The following CCNYL1 variants were observed in gnomAD, a reference collection of about 807,000 sequenced individuals.
The protein encoded by CCNYL1 is cyclin Y like 1, also known as cyclin-Y-like protein 1.
CCNYL1 carries 16 observed loss-of-function variants against 44.2 expected under a neutral mutation model. The ratio of observed to expected loss-of-function variants is 0.36; its 90% CI spans 0.25 to 0.55. CCNYL1 has a LOEUF of 0.55. CCNYL1 is among the 20% of genes least tolerant of loss of function. The probability of loss-of-function intolerance (pLI) is 0.85; values close to 1 mark genes in which losing one functional copy is unlikely to be tolerated. For synonymous variants in CCNYL1, 159 were observed against 163.2 expected (o/e 0.97, Z 0.20); for missense variants, 348 against 451.8 (o/e 0.77, Z 2.08).
chr2:207,746,992 C>A, intron 7 of CCNYL1, 55 bp from the exon 8 acceptor site: 4 of 1,301,422 alleles, frequency 3.1e-6, no homozygotes, highest in African/African-American at 1.5e-5. Flanking sequence ...AAAAAAAAAG[C>A]TTATCAAAGC....
intron 2 of CCNYL1, 92 bp from the exon 3 acceptor site, chr2:207,726,750 C>A: frequency 1.3e-6 from 1 of 779,458 alleles, no homozygotes; most frequent in Non-Finnish European, 2.1e-6. Flanking sequence ...AATTTTATCT[C>A]ATTTTGTATA....
intron 3 of CCNYL1, among the ~76,000 whole-genome samples, chr2:207,731,697 A>G (rs2091727521): frequency 6.6e-6 from 1 of 151,778 alleles, no homozygotes; most frequent in East Asian, 1.9e-4. Flanking sequence ...TAATTCTGCC[A>G]CCCCCTAGTC....
chr2:207,742,235 C>G lies in CCNYL1; in HGVS notation c.532C>G (p.Pro178Ala). The G allele has an allele frequency of 6.2e-7, 1 of 1,604,066 alleles. No individual in the cohort carries two copies. The highest frequency in any genetic ancestry group is 8.5e-7 in the Non-Finnish European group (1 of 1,176,372). Residue 178 changes from proline to alanine, a missense_variant, in exon 7 of 10, where the codon CCA (proline) becomes GCA (alanine). By Grantham distance (27) the Pro-to-Ala change is conservative. Transcript: ENST00000295414. ...RSHPLTREKV[P>A]EEYFKHDPEH... The stretch of plus-strand genomic sequence containing the variant: ...TTTCTTCTTTCAGCGAGAAAAAGTT[C>G]CAGAGGAATACTTTAAGCATGATCC...
rs528636515 is a variant in CCNYL1 at position 207,726,025 on chromosome 2, T to C, written c.296-817T>C. 2.0e-5 allele frequency among the ~76,000 whole-genome samples: 3 copies of C among 152,244 alleles called. No homozygotes were observed. The South Asian group carries it at 6.2e-4, about 32-fold the overall frequency. On this transcript the variant is annotated intron_variant, in intron 2 of 9. Coordinates refer to ENST00000295414, the MANE Select transcript of CCNYL1 (RefSeq NM_001330218.2). Reference sequence around the variant, plus strand: ...TTGAGCTGGTCATTTCTGGTTAGGATAGTTGTATTTCTCAGTTTCTTTCAG... The same window carrying C: ...TTGAGCTGGTCATTTCTGGTTAGGACAGTTGTATTTCTCAGTTTCTTTCAG...
At chr2:207,721,911 T>G (rs62189189) in intron 1 of CCNYL1, among the ~76,000 whole-genome samples, 2 of 152,044 alleles carry the variant, frequency 1.3e-5, no homozygotes, top group Non-Finnish European at 2.9e-5. Flanking sequence ...GCCTTTCTCC[T>G]TTGGTTCTTG....
chr2:207,753,885 A>C lies in CCNYL1; in HGVS notation c.*187A>C, dbSNP rs1461345555. The C allele has an allele frequency of 9.8e-6, 5 of 510,774 alleles. No homozygotes were observed. Among genetic ancestry groups the C allele is most frequent in the Non-Finnish European group, 1.7e-5 (5 of 287,268 alleles). The allele number at this position is 510,774 out of a possible 1,614,324, so 31.6% of individuals were successfully genotyped here. A position where few individuals can be genotyped will look rare whatever the true frequency, so the allele number is the denominator to read the frequency against. On this transcript the variant is annotated 3_prime_UTR_variant, in exon 10 of 10. Coordinates refer to ENST00000295414, the MANE Select transcript of CCNYL1 (RefSeq NM_001330218.2). ...AAGAATGGGACCTTGTCAATGCAACAAAACACTCTTCTGTCCTTTTTAATG... is the reference window on the plus strand; with the variant it reads ...AAGAATGGGACCTTGTCAATGCAACCAAACACTCTTCTGTCCTTTTTAATG...
intron 7 of CCNYL1, 50 bp downstream of exon 7, chr2:207,742,392 C>T: frequency 6.5e-7 from 1 of 1,549,694 alleles, no homozygotes; most frequent in South Asian, 1.2e-5. Flanking sequence ...GTCTTGTACA[C>T]AGGGTATGGT....
intron 1 of CCNYL1, among the ~76,000 whole-genome samples, chr2:207,716,716 G>A (rs180952708): frequency 2.6e-5 from 4 of 152,250 alleles, no homozygotes; most frequent in Non-Finnish European, 5.9e-5. Flanking sequence ...CAAGGGTACC[G>A]ATAAAAACAT....
At chr2:207,737,120 T>C (rs1477605046) in intron 4 of CCNYL1, among the ~76,000 whole-genome samples, 4 of 152,192 alleles carry the variant, frequency 2.6e-5, no homozygotes, top group Non-Finnish European at 4.4e-5. Context: ...TTTCACCGTG[T>C]TAGCCAGGAT....
chr2:207,746,986 A>G (rs938357772), intron 7 of CCNYL1, 61 bp from the exon 8 acceptor site: 22 of 1,434,186 alleles, frequency 1.5e-5, no homozygotes, highest in Non-Finnish European at 1.9e-5. Context: ...AAAAAAAAAA[A>G]AAAAGCTTAT....
chr2:207,728,206 T>G (rs564965375), intron 3 of CCNYL1, among the ~76,000 whole-genome samples: 1 of 151,886 alleles, frequency 6.6e-6, no homozygotes, highest in Non-Finnish European at 1.5e-5. Context: ...TCAGGTGATC[T>G]GCCCGCCTTG....
intron 1 of CCNYL1, among the ~76,000 whole-genome samples, chr2:207,724,206 G>A (rs942823129): frequency 6.6e-6 from 1 of 152,166 alleles, no homozygotes; most frequent in Non-Finnish European, 1.5e-5. Context: ...TTTCTAACAT[G>A]TTTCTGTATG....
At chr2:207,747,347 C>T (rs1242892861) in intron 8 of CCNYL1, 134 bp downstream of exon 8, 7 of 636,376 alleles carry the variant, frequency 1.1e-5, no homozygotes, top group Non-Finnish European at 1.8e-5. Context: ...CTATATCTGT[C>T]TATCTTTAGT....
chr2:207,741,895 A>G (rs2091813922), intron 6 of CCNYL1, among the ~76,000 whole-genome samples: 2 of 150,648 alleles, frequency 1.3e-5, no homozygotes, highest in South Asian at 4.2e-4. Flanking sequence ...TCACGCGTGT[A>G]ATCCCAGCAC....
At chr2:207,718,593 A>G (rs149949460) in intron 1 of CCNYL1, among the ~76,000 whole-genome samples, 44 of 152,344 alleles carry the variant, frequency 2.9e-4, no homozygotes, top group African/African-American at 1.1e-3. Flanking sequence ...GATGATCCTT[A>G]AACACAGCTT....
intron 3 of CCNYL1, 41 bp downstream of exon 3, chr2:207,726,917 T>G (rs2091684108): frequency 7.1e-7 from 1 of 1,414,496 alleles, no homozygotes; most frequent in East Asian, 2.6e-5. Flanking sequence ...AACAGTTGAA[T>G]TAAAAGTATG....
intron 1 of CCNYL1, 34 bp downstream of exon 1, chr2:207,712,150 C>A (rs369009815): frequency 1.0e-5 from 16 of 1,564,250 alleles, no homozygotes; most frequent in Non-Finnish European, 1.4e-5. Flanking sequence ...CGCCCTCGGG[C>A]TCACCTCTGC....
At chr2:207,744,530 ATTT>A (rs57198526) in intron 7 of CCNYL1, among the ~76,000 whole-genome samples, 1 of 137,354 alleles carries the variant, frequency 7.3e-6, no homozygotes, top group Non-Finnish European at 1.6e-5. Flanking sequence ...ACCACGCCTA[ATTT>A]TTTTTTTTTT....
At chr2:207,743,091 C>T (rs1471023883) in intron 7 of CCNYL1, among the ~76,000 whole-genome samples, 1 of 152,170 alleles carries the variant, frequency 6.6e-6, no homozygotes, top group Non-Finnish European at 1.5e-5. Flanking sequence ...AGTACCTACT[C>T]CTTTAGCATC....
Sources: gnomAD v4.1 joint callset for allele counts (sites outside exome capture counted in the v4.1 genomes callset) on GRCh38, gnomAD v4.1.1 for gene constraint, MANE v1.5 for transcripts, NCBI Gene and HGNC (gene_info 2026-07-23, HGNC 2026-07-21) for gene names.